The following FMNL2 variants were observed in gnomAD, a reference collection of about 807,000 sequenced individuals.
The protein encoded by FMNL2 is formin like 2.
Under a neutral mutation model 130.2 loss-of-function variants are expected in FMNL2, and 51 were observed. The observed-to-expected ratio is 0.39, with a 90% CI of 0.31 to 0.49. FMNL2 has a LOEUF of 0.49. Ranked by LOEUF, FMNL2 falls within the 20% of genes least tolerant of loss-of-function variation. The probability of loss-of-function intolerance (pLI) is 0.85; values close to 1 mark genes in which losing one functional copy is unlikely to be tolerated. For missense variants in FMNL2, 977 were observed against 1,316.2 expected (o/e 0.74, Z 3.99); for synonymous variants, 465 against 467.1 (o/e 1.00, Z 0.06).
Position 152,625,552 on chromosome 2 carries a change from G to A in FMNL2, c.1952G>A (p.Arg651Gln), listed in dbSNP as rs770034141. 25 of 1,603,002 alleles carry A rather than the reference G, an allele frequency of 1.6e-5. No homozygotes were observed. The highest frequency in any genetic ancestry group is 2.2e-5 in the East Asian group (1 of 44,676). Residue 651 changes from arginine (R) to glutamine (Q), a missense_variant, in exon 16 of 26, where the codon CGA becomes CAA. Coordinates refer to ENST00000288670, the MANE Select transcript of FMNL2 (RefSeq NM_052905.4). ...GTCTTCAATGAAATTGATGATGAGC[G>A]AATTCTGGAGGTATTTTTCTCATTG... ...GTVFNEIDDE[R>Q]ILEDLNVDEF...
At chr2:152,494,598 T>A (rs1691398133) in intron 1 of FMNL2, among the ~76,000 whole-genome samples, 1 of 152,224 alleles carries the variant, frequency 6.6e-6, no homozygotes, top group Admixed American at 6.5e-5. Context: ...GGATATTCAT[T>A]TGATTTGAGA....
intron 1 of FMNL2, among the ~76,000 whole-genome samples, chr2:152,474,480 T>C (rs912380707): frequency 1.3e-5 from 2 of 152,012 alleles, no homozygotes; most frequent in Admixed American, 1.3e-4. Context: ...AAGTCAGGAA[T>C]TCAAGACCAG....
At chr2:152,362,026 T>C (rs572461390) in intron 1 of FMNL2, among the ~76,000 whole-genome samples, 3 of 152,356 alleles carry the variant, frequency 2.0e-5, no homozygotes, top group Admixed American at 6.5e-5. Context: ...AGAACATTTC[T>C]AATTACAATG....
rs751398154 is a variant in FMNL2, at chr2:152,632,146, T to G, written c.2680+9T>G. On this transcript the variant is annotated intron_variant, in intron 21 of 25. Transcript: ENST00000288670. Reference sequence around the variant, plus strand: ...GGAAAAAGCTGCTGCAGGTACTTGATTTCAGCTATTACCGTTCGTCTTGGG... The same window carrying G: ...GGAAAAAGCTGCTGCAGGTACTTGAGTTCAGCTATTACCGTTCGTCTTGGG... The G allele has an allele frequency of 1.1e-5, 18 of 1,608,850 alleles. No homozygotes were observed. In the South Asian group the frequency reaches 1.7e-4, roughly 15 times the overall value.
At chr2:152,539,078 G>A (rs991784443) in intron 2 of FMNL2, 1 of 152,060 alleles carries the variant, frequency 6.6e-6, no homozygotes, top group African/African-American at 2.4e-5. Context: ...GTTATTTTCA[G>A]GACCTCGTTG....
intron 1 of FMNL2, among the ~76,000 whole-genome samples, chr2:152,473,909 C>T (rs753387386): frequency 6.6e-6 from 1 of 152,190 alleles, no homozygotes; most frequent in African/African-American, 2.4e-5. Flanking sequence ...GAGTCTCGCT[C>T]TGTCGCCCAG....
At chr2:152,456,192 AT>A (rs1688946216) in intron 1 of FMNL2, among the ~76,000 whole-genome samples, 1 of 152,232 alleles carries the variant, frequency 6.6e-6, no homozygotes, top group Admixed American at 6.5e-5. Flanking sequence ...ACAAGCTCTT[AT>A]TTTGATCAAA....
chr2:152,527,540 A>C (rs1234947839), intron 2 of FMNL2, among the ~76,000 whole-genome samples: 1 of 152,154 alleles, frequency 6.6e-6, no homozygotes, highest in African/African-American at 2.4e-5. Context: ...TTTATCCTGG[A>C]ATATAATTAT....
chr2:152,396,132 C>T (rs1486413517), intron 1 of FMNL2, among the ~76,000 whole-genome samples: 1 of 152,094 alleles, frequency 6.6e-6, no homozygotes, highest in African/African-American at 2.4e-5. Flanking sequence ...TACCCACATC[C>T]CTCCCCCTCT....
chr2:152,387,555 G>A (rs1684851793), intron 1 of FMNL2, among the ~76,000 whole-genome samples: 1 of 152,162 alleles, frequency 6.6e-6, no homozygotes, highest in Non-Finnish European at 1.5e-5. Context: ...GACTTATCAA[G>A]CCCTGCTTAT....
chr2:152,391,252 G>C (rs2345872), intron 1 of FMNL2, among the ~76,000 whole-genome samples: 35,165 of 152,092 alleles, frequency 0.23, 4,814 homozygotes, highest in African/African-American at 0.35. Flanking sequence ...ATCCTCAAAG[G>C]ATGACTTAGA....
At chr2:152,449,668 C>T (rs767821714) in intron 1 of FMNL2, among the ~76,000 whole-genome samples, 10 of 152,130 alleles carry the variant, frequency 6.6e-5, no homozygotes, top group Middle Eastern at 3.2e-3. Context: ...CTTGTTTTCA[C>T]TGCTTGGTTA....
intron 1 of FMNL2, among the ~76,000 whole-genome samples, chr2:152,349,871 T>C (rs1341127461): frequency 6.6e-6 from 1 of 151,120 alleles, no homozygotes; most frequent in African/African-American, 2.4e-5. Context: ...CCTTTGGTGC[T>C]TATATGCTTT....
At chr2:152,640,600 G>A (rs1240505911) in intron 24 of FMNL2, among the ~76,000 whole-genome samples, 191 bp from the exon 25 acceptor site, 3 of 152,230 alleles carry the variant, frequency 2.0e-5, no homozygotes, top group Non-Finnish European at 4.4e-5. Context: ...GAAGTTTTGT[G>A]TGTTCGTCAG....
chr2:152,584,112 A>T (rs1344618088), intron 9 of FMNL2, among the ~76,000 whole-genome samples: 4 of 151,070 alleles, frequency 2.6e-5, no homozygotes, highest in Non-Finnish European at 3.0e-5. Flanking sequence ...TTTTTCTCCC[A>T]TCTTTGCGTG....
In FMNL2 at chr2:152,647,780, A is replaced by C. The variant is rs904068252; in HGVS notation, c.3170-16A>C. On this transcript the variant is annotated splice_polypyrimidine_tract_variant and intron_variant, in intron 25 of 25. Transcript: ENST00000288670. ...TAAAGGTTGCTATTCTCTCACTGGCACTCTCCCCTTTACAGATCTTAGAAA... is the reference window on the plus strand; with the variant it reads ...TAAAGGTTGCTATTCTCTCACTGGCCCTCTCCCCTTTACAGATCTTAGAAA... 3 of 1,612,542 alleles carry C rather than the reference A, an allele frequency of 1.9e-6. No individual in the cohort carries two copies. In the African/African-American group the frequency reaches 4.0e-5, roughly 22 times the overall value.
At chr2:152,420,213 T>G (rs907250721) in intron 1 of FMNL2, among the ~76,000 whole-genome samples, 1 of 152,106 alleles carries the variant, frequency 6.6e-6, no homozygotes, top group Admixed American at 6.5e-5. Context: ...GACACAGAAA[T>G]GAATGCCTTG....
At chr2:152,601,067 A>T (rs1010804510) in intron 9 of FMNL2, among the ~76,000 whole-genome samples, 6 of 152,142 alleles carry the variant, frequency 3.9e-5, no homozygotes, top group Non-Finnish European at 8.8e-5. Context: ...TTTATTTGCA[A>T]TGAAACCTTT....
At chr2:152,597,384 AC>A (rs1697825502) in intron 9 of FMNL2, among the ~76,000 whole-genome samples, 1 of 152,194 alleles carries the variant, frequency 6.6e-6, no homozygotes, top group African/African-American at 2.4e-5. Flanking sequence ...CCTCAAGACA[AC>A]CATACTTCAA....
Sources: allele counts gnomAD v4.1 joint callset (sites outside exome capture counted in the v4.1 genomes callset), GRCh38; gene constraint gnomAD v4.1.1; transcripts MANE v1.5; gene names NCBI Gene and HGNC (gene_info 2026-07-23, HGNC 2026-07-21).